The following EYA4 variants were observed in gnomAD, a reference collection of about 807,000 sequenced individuals.
EYA4 encodes EYA transcriptional coactivator and phosphatase 4, also known as protein phosphatase EYA4.
EYA4 carries 31 observed loss-of-function variants against 87.9 expected under a neutral mutation model. That is an observed-to-expected ratio of 0.35 (90% CI 0.27 to 0.48). The LOEUF is 0.48. Ranked by LOEUF, EYA4 falls within the 20% of genes least tolerant of loss-of-function variation. EYA4 has a pLI of 0.99. For missense variants in EYA4, 678 were observed against 761.4 expected, an observed-to-expected ratio of 0.89 and a Z score of 1.29; for synonymous variants, 263 against 270.6, an observed-to-expected ratio of 0.97 and a Z score of 0.28.
At chr6:133,273,612 C>A (rs999527239) in intron 1 of EYA4, among the ~76,000 whole-genome samples, 17 of 152,018 alleles carry the variant, frequency 1.1e-4, no homozygotes, top group African/African-American at 4.1e-4. Context: ...TGATTATGTT[C>A]ATCTATGATG....
At chr6:133,489,296 G>T (rs914379661) in intron 13 of EYA4, among the ~76,000 whole-genome samples, 1 of 152,028 alleles carries the variant, frequency 6.6e-6, no homozygotes, top group South Asian at 2.1e-4. Flanking sequence ...AGAGTTATTG[G>T]CCTTAAACAG....
chr6:133,273,040 A>G (rs776114055), intron 1 of EYA4, among the ~76,000 whole-genome samples: 1 of 149,038 alleles, frequency 6.7e-6, no homozygotes, highest in African/African-American at 2.5e-5. Flanking sequence ...CACTCTTGTT[A>G]CCAAAATCTG....
intron 2 of EYA4, among the ~76,000 whole-genome samples, chr6:133,338,304 A>G (rs1377683857): frequency 6.6e-6 from 1 of 152,186 alleles, no homozygotes; most frequent in Non-Finnish European, 1.5e-5. Flanking sequence ...ATCAATTGGC[A>G]TTTGATGTAG....
intron 3 of EYA4, among the ~76,000 whole-genome samples, chr6:133,411,259 A>T (rs1183548356): frequency 6.6e-6 from 1 of 152,186 alleles, no homozygotes; most frequent in East Asian, 1.9e-4. Context: ...GATGAGCAAG[A>T]GACTCCTTGT....
chr6:133,452,981 G>A (rs1051593272), intron 5 of EYA4: 2 of 152,022 alleles, frequency 1.3e-5, no homozygotes, highest in Non-Finnish European at 2.9e-5. Flanking sequence ...GAGAAATACG[G>A]TGCTTGTCTT....
At chr6:133,507,308 T>C (rs1161938400) in intron 14 of EYA4, 2 of 152,208 alleles carry the variant, frequency 1.3e-5, no homozygotes, top group Non-Finnish European at 2.9e-5. Context: ...CACATACTTC[T>C]GACCCATCCT....
intron 3 of EYA4, among the ~76,000 whole-genome samples, chr6:133,383,492 T>C (rs954633855): frequency 1.8e-5 from 2 of 109,836 alleles, no homozygotes; most frequent in African/African-American, 3.5e-5. Flanking sequence ...CACTCCAGCC[T>C]GGGCGACAGA....
chr6:133,243,700 C>T (rs1176676552), intron 1 of EYA4, among the ~76,000 whole-genome samples: 10 of 138,888 alleles, frequency 7.2e-5, no homozygotes, highest in African/African-American at 2.2e-4. Flanking sequence ...CAAGCTTAAA[C>T]CTGAAGAACC....
chr6:133,510,500 A>T, intron 14 of EYA4: 1 of 333,430 alleles, frequency 3.0e-6, no homozygotes, highest in South Asian at 2.9e-5. Context: ...TCCAACCCTT[A>T]TGCTAATGGG....
chr6:133,394,417 A>G (rs900832007), intron 3 of EYA4, among the ~76,000 whole-genome samples: 19 of 150,536 alleles, frequency 1.3e-4, no homozygotes, highest in Admixed American at 5.4e-4. Flanking sequence ...TAATACAGGT[A>G]TCTTTAGTTC....
chr6:133,403,003 G>T (rs1337351446), intron 3 of EYA4, among the ~76,000 whole-genome samples: 1 of 152,120 alleles, frequency 6.6e-6, no homozygotes, highest in East Asian at 1.9e-4. Flanking sequence ...TTATCATGGG[G>T]CTAATAACAA....
chr6:133,251,632 T>G (rs763643974), intron 1 of EYA4, among the ~76,000 whole-genome samples: 5 of 152,154 alleles, frequency 3.3e-5, no homozygotes, highest in Non-Finnish European at 5.9e-5. Context: ...TATTGACATT[T>G]TGGGCTGGAT....
intron 9 of EYA4, 84 bp downstream of exon 9, chr6:133,462,848 C>A: frequency 7.9e-7 from 1 of 1,265,096 alleles, no homozygotes; most frequent in Non-Finnish European, 1.2e-6. Context: ...AATATCCAAT[C>A]ATGAAGGTAG....
intron 2 of EYA4, among the ~76,000 whole-genome samples, chr6:133,312,772 A>G (rs977108767): frequency 6.6e-6 from 1 of 152,034 alleles, no homozygotes; most frequent in Non-Finnish European, 1.5e-5. Flanking sequence ...CTTTGCTTCC[A>G]TCCTCTTTTT....
chr6:133,354,619 T>C (rs1275034582), intron 2 of EYA4, among the ~76,000 whole-genome samples: 1 of 152,232 alleles, frequency 6.6e-6, no homozygotes, highest in Non-Finnish European at 1.5e-5. Flanking sequence ...AAATATGTAC[T>C]AATTTCCATT....
intron 2 of EYA4, among the ~76,000 whole-genome samples, chr6:133,337,915 T>G (rs1284526691): frequency 6.6e-6 from 1 of 152,120 alleles, no homozygotes; most frequent in Non-Finnish European, 1.5e-5. Flanking sequence ...TTTCGCAGAT[T>G]GGGGTTTTAG....
chr6:133,438,404 A>G (rs1274811266), intron 3 of EYA4, among the ~76,000 whole-genome samples: 1 of 142,450 alleles, frequency 7.0e-6, no homozygotes, highest in Non-Finnish European at 1.5e-5. Flanking sequence ...TTCTTTACTC[A>G]TCTTGTATGT....
chr6:133,245,448 G>A (rs1292588604), intron 1 of EYA4, among the ~76,000 whole-genome samples: 3 of 152,026 alleles, frequency 2.0e-5, no homozygotes, highest in Non-Finnish European at 2.9e-5. Flanking sequence ...CTCTTATAAC[G>A]TGCCTCCCTG....
At chr6:133,489,827 C>T (rs1366897502) in intron 13 of EYA4, among the ~76,000 whole-genome samples, 2 of 152,104 alleles carry the variant, frequency 1.3e-5, no homozygotes, top group Non-Finnish European at 2.9e-5. Flanking sequence ...AGGTAAAAAA[C>T]TCACAGGTAA....
Sources: gnomAD v4.1 joint callset for allele counts (sites outside exome capture counted in the v4.1 genomes callset) on GRCh38, gnomAD v4.1.1 for gene constraint, MANE v1.5 for transcripts, NCBI Gene and HGNC (gene_info 2026-07-23, HGNC 2026-07-21) for gene names.